NOS1AP: variants seen among roughly 807,000 people sequenced by gnomAD.
NOS1AP encodes the protein nitric oxide synthase 1 adaptor protein.
NOS1AP carries 21 observed loss-of-function variants against 56.2 expected under a neutral mutation model. That is an observed-to-expected ratio of 0.37 (90% CI 0.26 to 0.54). The LOEUF (loss-of-function observed/expected upper bound fraction) is 0.54. Ranked by LOEUF, NOS1AP falls within the 20% of genes least tolerant of loss-of-function variation. NOS1AP has a pLI of 0.84. For synonymous variants in NOS1AP, 270 were observed against 274.6 expected, an observed-to-expected ratio of 0.98 and a Z score of 0.17; for missense variants, 522 against 657.8, an observed-to-expected ratio of 0.79 and a Z score of 2.26.
intron 3 of NOS1AP, among the ~76,000 whole-genome samples, chr1:162,291,015 A>C (rs1017614715): frequency 8.0e-6 from 1 of 125,568 alleles, no homozygotes; most frequent in African/African-American, 2.9e-5. Context: ...TTGAGAATCT[A>C]CTGGACTATC....
At chr1:162,326,813 A>T (rs1165189632) in intron 4 of NOS1AP, among the ~76,000 whole-genome samples, 11 of 152,178 alleles carry the variant, frequency 7.2e-5, no homozygotes, top group Admixed American at 7.2e-4. Flanking sequence ...GTTCAGTTGG[A>T]TTATTGGATG....
At chr1:162,179,188 CAT>C (rs1417033169) in intron 2 of NOS1AP, among the ~76,000 whole-genome samples, 1 of 152,094 alleles carries the variant, frequency 6.6e-6, no homozygotes, top group Non-Finnish European at 1.5e-5. Flanking sequence ...TAGTCTTAAT[CAT>C]ATGTTACACC....
chr1:162,078,954 G>A (rs766792029), intron 1 of NOS1AP, among the ~76,000 whole-genome samples: 3 of 152,130 alleles, frequency 2.0e-5, no homozygotes, highest in African/African-American at 7.2e-5. Context: ...CTCTGCCCCC[G>A]TGTCTTCCAC....
chr1:162,301,145 G>A (rs941719827), intron 4 of NOS1AP, among the ~76,000 whole-genome samples: 1 of 152,024 alleles, frequency 6.6e-6, no homozygotes, highest in Non-Finnish European at 1.5e-5. Context: ...TGCAGTAATC[G>A]AAAGTCACAA....
At position 162,355,220 on chromosome 1, in the gene NOS1AP, C is replaced by T. The variant is rs932270050; in HGVS notation, c.629C>T (p.Thr210Met). The T allele has an allele frequency of 5.6e-6, 9 of 1,613,982 alleles. No individual in the cohort carries two copies. The highest frequency in any genetic ancestry group is 2.7e-5 in the African/African-American group (2 of 74,878). Reference protein sequence around the residue: ...RQLTGAERASTATAEETDIDA... With the variant: ...RQLTGAERASMATAEETDIDA... ...CTCACTGGAGCCGAGAGGGCCTCCA[C>T]GGCCACTGCAGAGGAGACTGACATC... Residue 210 changes from threonine (T) to methionine (M), a missense_variant, in exon 7 of 10, where the codon ACG (threonine) becomes ATG (methionine). Thr to Met is a moderately conservative substitution (Grantham distance 81, BLOSUM62 -1). Coordinates refer to ENST00000361897, the MANE Select transcript of NOS1AP (RefSeq NM_014697.3).
At chr1:162,133,005 C>G (rs1648821587) in intron 1 of NOS1AP, among the ~76,000 whole-genome samples, 1 of 152,208 alleles carries the variant, frequency 6.6e-6, no homozygotes, top group Non-Finnish European at 1.5e-5. Flanking sequence ...ATGGAAACTT[C>G]TGCATCAGTG....
At chr1:162,086,703 G>A (rs1558092518) in intron 1 of NOS1AP, among the ~76,000 whole-genome samples, 1 of 152,098 alleles carries the variant, frequency 6.6e-6, no homozygotes, top group Non-Finnish European at 1.5e-5. Context: ...CTGACCAGCC[G>A]AACTGTCATC....
chr1:162,157,104 G>T, intron 2 of NOS1AP: 1 of 154,682 alleles, frequency 6.5e-6, no homozygotes, highest in Non-Finnish European at 1.5e-5. Flanking sequence ...GCATGGTATG[G>T]GGCTGGCTGG....
At chr1:162,136,279 A>C (rs1648997979) in intron 1 of NOS1AP, among the ~76,000 whole-genome samples, 2 of 152,210 alleles carry the variant, frequency 1.3e-5, no homozygotes, top group East Asian at 1.9e-4. Context: ...TTCTTTATTT[A>C]TTTATTTATT....
rs1214308710 is a variant in NOS1AP, at chr1:162,188,835, C to T, written c.177+34359C>T. 3.3e-5 allele frequency among the ~76,000 whole-genome samples: 5 copies of T among 152,122 alleles called. No homozygotes were observed. Among genetic ancestry groups the T allele is most frequent in the African/African-American group, 1.2e-4 (5 of 41,428 alleles). ...TTCGGAGGCCGAGGCGGGCGGATCA[C>T]GAGATCAGGAGTTCGAGACCAGCCT... is the stretch of plus-strand genomic sequence containing the variant. On this transcript the variant is annotated intron_variant, in intron 2 of 9. Coordinates refer to ENST00000361897, the MANE Select transcript of NOS1AP (RefSeq NM_014697.3). The surrounding 1 kb of genome is among the most constrained non-coding windows in gnomAD (Gnocchi z 4.0).
chr1:162,300,583 G>T (rs1469537666), intron 3 of NOS1AP, 50 bp from the exon 4 acceptor site: 1 of 1,495,594 alleles, frequency 6.7e-7, no homozygotes, highest in Admixed American at 1.7e-5. Context: ...ATAGCTCAGT[G>T]TGTGCCCTGG....
intron 2 of NOS1AP, among the ~76,000 whole-genome samples, chr1:162,251,273 C>T (rs1653838300): frequency 6.6e-6 from 1 of 152,184 alleles, no homozygotes; most frequent in Non-Finnish European, 1.5e-5. Flanking sequence ...GCCCTCTCAG[C>T]TCATGTCCTG....
In NOS1AP at chr1:162,340,275, G is replaced by A. The variant is rs1657069293; in HGVS notation, c.454-3560G>A. 2.0e-5 allele frequency among the ~76,000 whole-genome samples: 3 copies of A among 152,288 alleles called. No individual in the cohort carries two copies. The South Asian group carries it at 6.2e-4, about 32-fold the overall frequency. On this transcript the variant is annotated intron_variant, in intron 5 of 9. Coordinates refer to ENST00000361897, the MANE Select transcript of NOS1AP (RefSeq NM_014697.3). ...TAAACTGTTTACCACTCAGTATGCA[G>A]ATCTAGAACTCTTAATGCAACAATT...
At chr1:162,121,074 A>T (rs1025623061) in intron 1 of NOS1AP, among the ~76,000 whole-genome samples, 1 of 142,110 alleles carries the variant, frequency 7.0e-6, no homozygotes, top group Non-Finnish European at 1.5e-5. Context: ...AGAACTTGGC[A>T]CACTAGGATT....
At chr1:162,247,240 C>G (rs1653695283) in intron 2 of NOS1AP, among the ~76,000 whole-genome samples, 1 of 152,184 alleles carries the variant, frequency 6.6e-6, no homozygotes, top group Non-Finnish European at 1.5e-5. Flanking sequence ...GCCTCTTTCT[C>G]TCGTAATTCC....
At chr1:162,298,326 T>A (rs2101751141) in intron 3 of NOS1AP, among the ~76,000 whole-genome samples, 1 of 152,326 alleles carries the variant, frequency 6.6e-6, no homozygotes, top group African/African-American at 2.4e-5. Flanking sequence ...GAAGCTACAC[T>A]TCCACCACTG....
intron 1 of NOS1AP, among the ~76,000 whole-genome samples, chr1:162,125,203 G>A (rs1243078702): frequency 6.7e-6 from 1 of 148,730 alleles, no homozygotes; most frequent in Non-Finnish European, 1.5e-5. Context: ...GCACAAGCTC[G>A]GCTCACTGCA....
chr1:162,085,306 T>C (rs1691978644), intron 1 of NOS1AP, among the ~76,000 whole-genome samples: 1 of 152,138 alleles, frequency 6.6e-6, no homozygotes, highest in Non-Finnish European at 1.5e-5. Flanking sequence ...TTCAGAGGAA[T>C]AGGGGAAGGT....
intron 1 of NOS1AP, among the ~76,000 whole-genome samples, chr1:162,085,291 T>C (rs1691978305): frequency 6.6e-6 from 1 of 152,140 alleles, no homozygotes; most frequent in African/African-American, 2.4e-5. Flanking sequence ...AGTTTTTAGT[T>C]CTATTTCAGA....
Sources: gnomAD v4.1 joint callset for allele counts (sites outside exome capture counted in the v4.1 genomes callset) on GRCh38, gnomAD v4.1.1 for gene constraint, Gnocchi (gnomAD v3.1) non-coding constraint, MANE v1.5 for transcripts, NCBI Gene and HGNC (gene_info 2026-07-23, HGNC 2026-07-21) for gene names.